SASH1: variants seen among roughly 807,000 people sequenced by gnomAD.
The protein encoded by SASH1 is SAM and SH3 domain-containing protein 1.
In SASH1, 44 loss-of-function variants were observed where a neutral mutation model predicts 125.2. The observed-to-expected ratio is 0.35, with a 90% confidence interval of 0.28 to 0.45. The LOEUF (loss-of-function observed/expected upper bound fraction) is 0.45. Ranked by LOEUF, SASH1 falls within the 20% of genes least tolerant of loss-of-function variation. The pLI, the probability that SASH1 is intolerant of heterozygous loss-of-function variation, is 1.00. For synonymous variants in SASH1, 639 were observed against 649.1 expected, an observed-to-expected ratio of 0.98 and a Z score of 0.24; for missense variants, 1,426 against 1,614.5, an observed-to-expected ratio of 0.88 and a Z score of 2.00.
chr6:148,527,426 C>G (rs1241127866), intron 11 of SASH1, 27 bp from the exon 12 acceptor site: 4 of 1,545,804 alleles, frequency 2.6e-6, no homozygotes, highest in Non-Finnish European at 2.6e-6. Flanking sequence ...CTGCGACCAA[C>G]AATACTTGCA....
At chr6:148,278,183 C>A (rs890253780) in intron 1 of SASH1, among the ~76,000 whole-genome samples, 1 of 152,060 alleles carries the variant, frequency 6.6e-6, no homozygotes, top group Non-Finnish European at 1.5e-5. Flanking sequence ...TTATAGGCAT[C>A]CGCCACCATG....
chr6:148,464,078 GA>G (rs1777732787), intron 4 of SASH1, among the ~76,000 whole-genome samples: 1 of 152,228 alleles, frequency 6.6e-6, no homozygotes, highest in Non-Finnish European at 1.5e-5. Context: ...TAGGAGGAAA[GA>G]AACCAGTTCT....
chr6:148,518,655 A>G (rs1780612495), intron 9 of SASH1, among the ~76,000 whole-genome samples: 1 of 152,078 alleles, frequency 6.6e-6, no homozygotes, highest in African/African-American at 2.4e-5. Context: ...GTTTCCCTAT[A>G]ATTAAAGGGA....
chr6:148,308,280 C>CCG (rs1554232500), intron 1 of SASH1, among the ~76,000 whole-genome samples: 1 of 151,794 alleles, frequency 6.6e-6, no homozygotes, highest in South Asian at 2.1e-4. Flanking sequence ...ATCCGCCCCC[C>CCG]CCAAAAATGT....
chr6:148,482,846 G>A (rs1405478175), intron 7 of SASH1, among the ~76,000 whole-genome samples: 8 of 151,832 alleles, frequency 5.3e-5, no homozygotes, highest in African/African-American at 9.7e-5. Flanking sequence ...GTGCCACAAC[G>A]CCCAGCTAAT....
intron 1 of SASH1, among the ~76,000 whole-genome samples, chr6:148,337,035 T>C (rs1050126393): frequency 1.3e-5 from 2 of 152,170 alleles, no homozygotes; most frequent in African/African-American, 4.8e-5. Context: ...ACTTTTGTAA[T>C]TCTGGCCCAC....
At position 148,534,915 on chromosome 6, in the gene SASH1, T is replaced by G; in HGVS notation, c.2095+14T>G. On this transcript the variant is annotated intron_variant, in intron 16 of 19. Coordinates refer to ENST00000367467, the MANE Select transcript of SASH1 (RefSeq NM_015278.5). Reference sequence around the variant, plus strand: ...AAGAGTATGACAGTAAGTCCCTGTATGCACAGAGGTGTTCCCTGTGAGGTC... The same window carrying G: ...AAGAGTATGACAGTAAGTCCCTGTAGGCACAGAGGTGTTCCCTGTGAGGTC... 3 of 1,612,548 alleles carry G rather than the reference T, an allele frequency of 1.9e-6. No individual in the cohort carries two copies. The highest frequency in any genetic ancestry group is 2.5e-6 in the Non-Finnish European group (3 of 1,178,972).
Position 148,336,474 on chromosome 6 carries a change from G to A in SASH1, n.75-53660G>A, listed in dbSNP as rs530570483. ...ATTACAGGCGTGAGCCACCATGCCC[G>A]GCCCTGAAACTGTATCTTTACTGCT... On this transcript the variant is annotated intron_variant and non_coding_transcript_variant, in intron 1 of 3. Coordinates refer to the SASH1 transcript ENST00000367469. Among the ~76,000 whole-genome samples, 32 of 152,154 alleles carry A rather than the reference G, an allele frequency of 2.1e-4. 1 individual carries two copies. In the South Asian group the frequency reaches 6.4e-3, roughly 31 times the overall value.
intron 7 of SASH1, among the ~76,000 whole-genome samples, chr6:148,476,282 A>AAAG (rs1254593380): frequency 6.6e-6 from 1 of 151,504 alleles, no homozygotes; most frequent in African/African-American, 2.4e-5. Context: ...ACCAAAAAAA[A>AAAG]AAAAAAAAAA....
At chr6:148,203,174 T>C in the SASH1 span, among the ~76,000 whole-genome samples, 2 of 152,248 alleles carry the variant, frequency 1.3e-5, no homozygotes, top group Non-Finnish European at 2.9e-5. Context: ...AATCTTTCAC[T>C]GATGTGTCTA....
intron 1 of SASH1, among the ~76,000 whole-genome samples, chr6:148,384,105 A>G (rs990916512): frequency 1.3e-5 from 2 of 152,238 alleles, no homozygotes; most frequent in Non-Finnish European, 2.9e-5. Context: ...TTCTATGAGA[A>G]GAAAAGGAAA....
chr6:148,396,470 GCA>G, intron 2 of SASH1, among the ~76,000 whole-genome samples: 1 of 103,518 alleles, frequency 9.7e-6, no homozygotes. Flanking sequence ...GAGTGAGACT[GCA>G]TCTCAGAAAA....
intron 1 of SASH1, among the ~76,000 whole-genome samples, chr6:148,365,338 G>C (rs1032497226): frequency 3.3e-5 from 5 of 151,332 alleles, no homozygotes; most frequent in Non-Finnish European, 7.4e-5. Context: ...ATTTGTATCA[G>C]TCATTTGACA....
the SASH1 span, among the ~76,000 whole-genome samples, chr6:148,228,383 C>G: frequency 3.9e-5 from 6 of 152,178 alleles, no homozygotes; most frequent in Non-Finnish European, 8.8e-5. Context: ...AATCACAATT[C>G]CTCCTTTTAA....
At chr6:148,534,649 G>A (rs953976610) in intron 15 of SASH1, 102 bp from the exon 16 acceptor site, 9 of 1,113,054 alleles carry the variant, frequency 8.1e-6, no homozygotes, top group Non-Finnish European at 9.5e-6. Flanking sequence ...TAGCCTGAAG[G>A]TGACTATGGG....
chr6:148,258,546 C>T, the SASH1 span, among the ~76,000 whole-genome samples: 7 of 152,158 alleles, frequency 4.6e-5, no homozygotes, highest in African/African-American at 4.8e-5. Context: ...AAAGCTGCCT[C>T]AAACTCACAC....
At chr6:148,369,697 C>T (rs1374325704) in intron 1 of SASH1, among the ~76,000 whole-genome samples, 4 of 152,028 alleles carry the variant, frequency 2.6e-5, no homozygotes, top group Non-Finnish European at 5.9e-5. Flanking sequence ...CTCATGCCTG[C>T]GATCCTGGCA....
chr6:148,546,217 C>T, intron 19 of SASH1, 71 bp downstream of exon 19: 1 of 1,542,218 alleles, frequency 6.5e-7, no homozygotes, highest in Non-Finnish European at 8.8e-7. Context: ...ACCATACTAA[C>T]AACTGCCAAG....
intron 2 of SASH1, among the ~76,000 whole-genome samples, chr6:148,395,540 A>C (rs1348727306): frequency 1.3e-5 from 2 of 152,190 alleles, no homozygotes; most frequent in Admixed American, 1.3e-4. Context: ...AGATGGGTAA[A>C]AATTCAACAA....
Sources: allele counts gnomAD v4.1 joint callset (sites outside exome capture counted in the v4.1 genomes callset), GRCh38; gene constraint gnomAD v4.1.1; transcripts MANE v1.5; gene names NCBI Gene and HGNC (gene_info 2026-07-23, HGNC 2026-07-21).